Variants in PTPRD observed in about 807,000 individuals in gnomAD.
The protein encoded by PTPRD is receptor-type tyrosine-protein phosphatase delta.
In PTPRD, 34 loss-of-function variants were observed where a neutral mutation model predicts 214.5. The ratio of observed to expected loss-of-function variants is 0.16; its 90% CI spans 0.12 to 0.21. The LOEUF is 0.21. PTPRD is among the 10% of genes least tolerant of loss of function. The probability of loss-of-function intolerance (pLI) is 1.00; values close to 1 mark genes in which losing one functional copy is unlikely to be tolerated. For synonymous variants in PTPRD, 1,128 were observed against 845.7 expected (o/e 1.33, Z -5.79); for missense variants, 2,545 against 2,398.7 (o/e 1.06, Z -1.27).
chr9:8,340,446 G>A lies in PTPRD; in HGVS notation c.5150C>T (p.Thr1717Ile), dbSNP rs1329770480. Residue 1717 changes from threonine (T) to isoleucine (I), a missense_variant, in exon 42 of 46, where the codon ACC becomes ATC. Transcript: ENST00000381196. ...GYRQQKAYIA[T>I]QGPLAETTED... The stretch of plus-strand genomic sequence containing the variant: ...AGTGGTCTCTGCCAAGGGCCCCTGG[G>A]TAGCGATGTAGGCTTTCTGTTGTCT... 1 of 1,603,142 alleles carries A rather than the reference G, an allele frequency of 6.2e-7. No individual in the cohort carries two copies. Among genetic ancestry groups the A allele is most frequent in the Non-Finnish European group, 8.5e-7 (1 of 1,172,204 alleles).
At chr9:8,709,606 T>C (rs2098285719) in intron 12 of PTPRD, among the ~76,000 whole-genome samples, 1 of 151,640 alleles carries the variant, frequency 6.6e-6, no homozygotes, top group African/African-American at 2.4e-5. Context: ...TATAATTACA[T>C]GAGGTAACAC....
At chr9:9,919,631 C>T (rs28545236) in intron 5 of PTPRD, among the ~76,000 whole-genome samples, 32,992 of 152,074 alleles carry the variant, frequency 0.22, 5,897 homozygotes, top group African/African-American at 0.49. Flanking sequence ...ATGGAAATTA[C>T]AGACTTTGGT....
chr9:9,785,556 G>A (rs972165133), intron 5 of PTPRD, among the ~76,000 whole-genome samples: 1 of 151,854 alleles, frequency 6.6e-6, no homozygotes, highest in Non-Finnish European at 1.5e-5. Flanking sequence ...CAACTAAATG[G>A]TACTCATAAA....
At chr9:8,835,825 A>G (rs2097407301) in intron 11 of PTPRD, among the ~76,000 whole-genome samples, 1 of 152,190 alleles carries the variant, frequency 6.6e-6, no homozygotes, top group Non-Finnish European at 1.5e-5. Context: ...GGCATGAGCC[A>G]CTTCACCTGG....
intron 9 of PTPRD, among the ~76,000 whole-genome samples, chr9:9,314,354 T>C (rs1260010147): frequency 6.6e-6 from 1 of 152,140 alleles, no homozygotes; most frequent in Non-Finnish European, 1.5e-5. Flanking sequence ...ATCACTCATG[T>C]AATGAGGTAG....
chr9:8,921,356 A>G (rs2098826659), intron 11 of PTPRD, among the ~76,000 whole-genome samples: 1 of 152,126 alleles, frequency 6.6e-6, no homozygotes, highest in African/African-American at 2.4e-5. Flanking sequence ...ATGACTATCC[A>G]ATGATTATTG....
chr9:10,283,822 T>C (rs917073079), intron 3 of PTPRD, among the ~76,000 whole-genome samples: 2 of 152,210 alleles, frequency 1.3e-5, no homozygotes, highest in Non-Finnish European at 2.9e-5. Context: ...CAGAATTTTA[T>C]GTGTGCAGAT....
chr9:10,394,056 T>C lies in PTPRD; in HGVS notation c.-599-53039A>G, dbSNP rs924759124. Among the ~76,000 whole-genome samples the C allele has an allele frequency of 2.9e-5, 4 of 140,070 alleles. No individual in the cohort carries two copies. The South Asian group carries it at 8.8e-4, about 31-fold the overall frequency. The allele number at this position is 140,070 out of a possible 152,430, so 91.9% of individuals were successfully genotyped here. A position where few individuals can be genotyped will look rare whatever the true frequency, so the allele number is the denominator to read the frequency against. ...ATAAATAGATACCCATATATACATATTATATATATATATATATATAGAGAG... is the reference window on the plus strand; with the variant it reads ...ATAAATAGATACCCATATATACATACTATATATATATATATATATAGAGAG... On this transcript the variant is annotated intron_variant, in intron 2 of 45. Transcript: ENST00000381196.
intron 11 of PTPRD, among the ~76,000 whole-genome samples, chr9:8,942,588 G>A (rs1221489295): frequency 6.6e-6 from 1 of 152,050 alleles, no homozygotes; most frequent in African/African-American, 2.4e-5. Flanking sequence ...GGCAAGGTAA[G>A]AAATTCCATT....
chr9:9,273,950 T>C (rs1943963561), intron 9 of PTPRD, among the ~76,000 whole-genome samples: 1 of 151,370 alleles, frequency 6.6e-6, no homozygotes. Flanking sequence ...TTCAAGATCC[T>C]CTTTGATCTG....
chr9:8,330,759 T>C (rs1839638547), intron 44 of PTPRD, among the ~76,000 whole-genome samples: 1 of 152,134 alleles, frequency 6.6e-6, no homozygotes. Flanking sequence ...ATTTGTCCTA[T>C]TTTGAGATCC....
chr9:9,562,700 A>G (rs1449559359), intron 8 of PTPRD, among the ~76,000 whole-genome samples: 2 of 151,996 alleles, frequency 1.3e-5, no homozygotes, highest in Non-Finnish European at 2.9e-5. Context: ...TCCTGAGCAA[A>G]TTTGCCCAAA....
At chr9:10,327,525 G>T (rs965087728) in intron 3 of PTPRD, among the ~76,000 whole-genome samples, 1 of 151,472 alleles carries the variant, frequency 6.6e-6, no homozygotes, top group African/African-American at 2.4e-5. Flanking sequence ...CCAATCTCTA[G>T]AATATTCTAT....
chr9:8,753,400 G>A (rs1038532499), intron 11 of PTPRD, among the ~76,000 whole-genome samples: 2 of 152,160 alleles, frequency 1.3e-5, no homozygotes, highest in African/African-American at 2.4e-5. Context: ...TCTGCCGGGG[G>A]ATAAATCCCA....
At chr9:9,323,691 T>C (rs1967962947) in intron 9 of PTPRD, among the ~76,000 whole-genome samples, 4 of 152,124 alleles carry the variant, frequency 2.6e-5, no homozygotes, top group Admixed American at 2.6e-4. Context: ...GCATTCTCTC[T>C]CTTGTTTATT....
Position 9,771,329 on chromosome 9 carries a change from G to T in PTPRD, c.-367-4478C>A, listed in dbSNP as rs1051829124. Reference sequence around the variant, plus strand: ...TCATAAGTGTGTGTATATATAAGCTGCATTTAAAAAACATATTTCCAAACC... The same window carrying T: ...TCATAAGTGTGTGTATATATAAGCTTCATTTAAAAAACATATTTCCAAACC... On this transcript the variant is annotated intron_variant, in intron 5 of 45. Coordinates refer to ENST00000381196, the MANE Select transcript of PTPRD (RefSeq NM_002839.4). Among the ~76,000 whole-genome samples the T allele has an allele frequency of 7.9e-5, 12 of 152,166 alleles. No homozygotes were observed. In the South Asian group the frequency reaches 8.3e-4, roughly 11 times the overall value.
chr9:9,970,862 G>A (rs953434669), intron 4 of PTPRD, among the ~76,000 whole-genome samples: 4 of 152,132 alleles, frequency 2.6e-5, no homozygotes, highest in Non-Finnish European at 5.9e-5. Flanking sequence ...GGAACATGGC[G>A]CTAATTTAGA....
chr9:9,512,069 G>C (rs2096722915), intron 8 of PTPRD, among the ~76,000 whole-genome samples: 1 of 151,680 alleles, frequency 6.6e-6, no homozygotes, highest in South Asian at 2.1e-4. Context: ...AGTTTCTATG[G>C]AGCCAGAGAT....
At chr9:9,727,267 T>C (rs760962754) in intron 7 of PTPRD, among the ~76,000 whole-genome samples, 3 of 151,996 alleles carry the variant, frequency 2.0e-5, no homozygotes, top group Admixed American at 6.6e-5. Flanking sequence ...TTGGGCAACA[T>C]ACTGAAACCC....
Sources: allele counts gnomAD v4.1 joint callset (sites outside exome capture counted in the v4.1 genomes callset), GRCh38; gene constraint gnomAD v4.1.1; transcripts MANE v1.5; gene names NCBI Gene and HGNC (gene_info 2026-07-23, HGNC 2026-07-21).